Variants in PCDH9 observed in about 807,000 individuals in gnomAD.
PCDH9 encodes the protein protocadherin 9, also known as protocadherin-9.
Under a neutral mutation model 70.6 loss-of-function variants are expected in PCDH9, and 24 were observed. That is an observed-to-expected ratio of 0.34 (90% CI 0.25 to 0.48). The LOEUF (loss-of-function observed/expected upper bound fraction) is 0.48, where lower values mean the gene tolerates loss of function less well. Among genes scored for constraint, PCDH9 ranks in the 20% least tolerant of loss-of-function variants. PCDH9 has a pLI of 0.99. For synonymous variants in PCDH9, 562 were observed against 558.5 expected (o/e 1.01, Z -0.09); for missense variants, 1,281 against 1,503.6 (o/e 0.85, Z 2.45).
At chr13:66,381,862 T>C (rs942714246) in intron 4 of PCDH9, among the ~76,000 whole-genome samples, 31 of 152,248 alleles carry the variant, frequency 2.0e-4, no homozygotes, top group African/African-American at 6.7e-4. Flanking sequence ...TGCAGTAAAT[T>C]AGACAGGAGT....
chr13:66,807,592 A>C (rs532835364), intron 3 of PCDH9, among the ~76,000 whole-genome samples: 2 of 152,320 alleles, frequency 1.3e-5, no homozygotes, highest in East Asian at 3.9e-4. Flanking sequence ...TTTAAGTGAG[A>C]TAATTTATAT....
chr13:66,452,889 G>A (rs1958241657), intron 4 of PCDH9, among the ~76,000 whole-genome samples: 1 of 151,820 alleles, frequency 6.6e-6, no homozygotes. Flanking sequence ...CTTCTCACAT[G>A]ACTTCAGTCA....
At chr13:66,604,605 T>C (rs2077200570) in intron 4 of PCDH9, among the ~76,000 whole-genome samples, 1 of 151,990 alleles carries the variant, frequency 6.6e-6, no homozygotes. Context: ...GAGTGATGGA[T>C]TTTTTCCTGA....
chr13:67,187,117 G>T (rs1429731390), intron 2 of PCDH9, among the ~76,000 whole-genome samples: 1 of 152,042 alleles, frequency 6.6e-6, no homozygotes, highest in Non-Finnish European at 1.5e-5. Context: ...ATCCCCCACA[G>T]GCATCAAAGC....
At chr13:66,954,365 A>C (rs1264251914) in intron 2 of PCDH9, among the ~76,000 whole-genome samples, 2 of 152,302 alleles carry the variant, frequency 1.3e-5, no homozygotes, top group Non-Finnish European at 2.9e-5. Context: ...AATCAGAGAG[A>C]TTAAGTCCTT....
chr13:66,865,859 C>T (rs894868419), intron 3 of PCDH9, among the ~76,000 whole-genome samples: 1 of 152,146 alleles, frequency 6.6e-6, no homozygotes, highest in Admixed American at 6.5e-5. Context: ...TGAAAATGCA[C>T]CTTTTCTGTT....
intron 4 of PCDH9, among the ~76,000 whole-genome samples, chr13:66,382,964 G>T (rs1434641765): frequency 6.6e-6 from 1 of 152,112 alleles, no homozygotes; most frequent in Non-Finnish European, 1.5e-5. Flanking sequence ...GGAGGTGGAG[G>T]TTGCAGTGAG....
At chr13:66,423,750 C>A (rs773448855) in intron 4 of PCDH9, among the ~76,000 whole-genome samples, 9 of 152,124 alleles carry the variant, frequency 5.9e-5, no homozygotes, top group Non-Finnish European at 1.2e-4. Flanking sequence ...TGGAAGCATT[C>A]CCTTTGAAAA....
At chr13:66,488,849 A>G (rs1050034180) in intron 4 of PCDH9, among the ~76,000 whole-genome samples, 2 of 152,190 alleles carry the variant, frequency 1.3e-5, no homozygotes, top group East Asian at 1.9e-4. Flanking sequence ...TCTATATTGC[A>G]TTACATAAAA....
intron 3 of PCDH9, among the ~76,000 whole-genome samples, chr13:66,633,290 C>A (rs2077595896): frequency 6.6e-6 from 1 of 152,156 alleles, no homozygotes; most frequent in Non-Finnish European, 1.5e-5. Flanking sequence ...ATTCCCTTCT[C>A]AAAGGTTTTG....
intron 3 of PCDH9, among the ~76,000 whole-genome samples, chr13:66,693,763 G>C (rs937508209): frequency 6.6e-6 from 1 of 152,156 alleles, no homozygotes; most frequent in Non-Finnish European, 1.5e-5. Context: ...ATTATTAGGT[G>C]GGTCCAGTTA....
intron 4 of PCDH9, among the ~76,000 whole-genome samples, chr13:66,314,146 C>T (rs1955610913): frequency 6.6e-6 from 1 of 152,212 alleles, no homozygotes; most frequent in South Asian, 2.1e-4. Flanking sequence ...GCATTTCTAA[C>T]AGTTCCTTAA....
At chr13:66,576,952 T>A (rs1229595972) in intron 4 of PCDH9, among the ~76,000 whole-genome samples, 2 of 152,012 alleles carry the variant, frequency 1.3e-5, no homozygotes, top group Non-Finnish European at 2.9e-5. Flanking sequence ...AACTATAATA[T>A]CAAACTATAT....
intron 2 of PCDH9, among the ~76,000 whole-genome samples, chr13:66,926,335 C>T (rs894434351): frequency 5.3e-5 from 8 of 151,958 alleles, no homozygotes; most frequent in Non-Finnish European, 1.0e-4. Context: ...GTGTGGACAG[C>T]ACCTTATTCA....
At chr13:66,425,936 A>G (rs1193057538) in intron 4 of PCDH9, among the ~76,000 whole-genome samples, 2 of 151,638 alleles carry the variant, frequency 1.3e-5, no homozygotes, top group Non-Finnish European at 3.0e-5. Context: ...ATCAAATCTC[A>G]TCAGCCAAAA....
intron 3 of PCDH9, among the ~76,000 whole-genome samples, chr13:66,663,211 T>C (rs1333661058): frequency 6.6e-6 from 1 of 152,206 alleles, no homozygotes; most frequent in Non-Finnish European, 1.5e-5. Context: ...TTCTCATTTA[T>C]TCTATTTATG....
intron 3 of PCDH9, among the ~76,000 whole-genome samples, chr13:66,800,381 C>G (rs974750426): frequency 6.6e-6 from 1 of 152,082 alleles, no homozygotes; most frequent in East Asian, 1.9e-4. Flanking sequence ...TAACTTTGCC[C>G]TACCCCCACT....
chr13:66,814,354 CTAT>C, intron 3 of PCDH9, among the ~76,000 whole-genome samples: 1 of 152,100 alleles, frequency 6.6e-6, no homozygotes, highest in African/African-American at 2.4e-5. Flanking sequence ...ATTTATTAAG[CTAT>C]TATTAATTAA....
At chr13:67,069,337 G>A (rs2085712594) in intron 2 of PCDH9, among the ~76,000 whole-genome samples, 1 of 152,166 alleles carries the variant, frequency 6.6e-6, no homozygotes, top group African/African-American at 2.4e-5. Flanking sequence ...TGAGTTGAAT[G>A]TAGGGTCAGC....
Sources: allele counts gnomAD v4.1 joint callset (sites outside exome capture counted in the v4.1 genomes callset), GRCh38; gene constraint gnomAD v4.1.1; transcripts MANE v1.5; gene names NCBI Gene and HGNC (gene_info 2026-07-23, HGNC 2026-07-21).